Variants in GRID2 observed in about 807,000 individuals in gnomAD.
GRID2 encodes glutamate receptor ionotropic, delta-2.
A neutral mutation model predicts 114.8 loss-of-function variants in GRID2; 33 were observed. That is an observed-to-expected ratio of 0.29 (90% CI 0.22 to 0.38). GRID2 has a LOEUF of 0.38. GRID2 is among the 10% of genes least tolerant of loss of function. GRID2 has a pLI of 1.00. For missense variants in GRID2, 1,184 were observed against 1,257.7 expected, an observed-to-expected ratio of 0.94 and a Z score of 0.89; for synonymous variants, 505 against 449.9, an observed-to-expected ratio of 1.12 and a Z score of -1.55.
intron 1 of GRID2, among the ~76,000 whole-genome samples, chr4:92,332,091 A>G (rs181930460): frequency 6.6e-6 from 1 of 152,278 alleles, no homozygotes; most frequent in African/African-American, 2.4e-5. Context: ...ACACACGTTT[A>G]CCCATTTTCA....
At chr4:93,372,472 G>T (rs1414548898) in intron 8 of GRID2, among the ~76,000 whole-genome samples, 2 of 152,008 alleles carry the variant, frequency 1.3e-5, no homozygotes. Flanking sequence ...CCAAGATATT[G>T]TGTCCTGCTT....
At chr4:93,084,585 C>G (rs1730166645) in intron 2 of GRID2, among the ~76,000 whole-genome samples, 1 of 152,084 alleles carries the variant, frequency 6.6e-6, no homozygotes, top group Non-Finnish European at 1.5e-5. Flanking sequence ...TTGTATTATG[C>G]CTTCAGTAGG....
intron 14 of GRID2, among the ~76,000 whole-genome samples, chr4:93,738,035 A>G (rs1731069753): frequency 6.6e-6 from 1 of 152,158 alleles, no homozygotes; most frequent in South Asian, 2.1e-4. Flanking sequence ...GGATTGGAAT[A>G]TGTTAATTCC....
chr4:92,806,094 T>A (rs191804283), intron 2 of GRID2, among the ~76,000 whole-genome samples: 4 of 151,752 alleles, frequency 2.6e-5, no homozygotes, highest in African/African-American at 9.7e-5. Context: ...CCCTTTTATA[T>A]GTACTGTGAT....
intron 13 of GRID2, among the ~76,000 whole-genome samples, chr4:93,578,302 G>T (rs1736612924): frequency 6.6e-6 from 1 of 152,082 alleles, no homozygotes; most frequent in African/African-American, 2.4e-5. Context: ...GGTATTTTGA[G>T]AGATGGTTAT....
intron 2 of GRID2, among the ~76,000 whole-genome samples, chr4:92,895,612 T>A (rs1456898549): frequency 6.6e-6 from 1 of 151,864 alleles, no homozygotes; most frequent in Non-Finnish European, 1.5e-5. Flanking sequence ...TCTTCTGTGC[T>A]TAAAAAATAT....
intron 2 of GRID2, among the ~76,000 whole-genome samples, chr4:92,863,378 C>T (rs545507956): frequency 4.5e-4 from 69 of 152,202 alleles, no homozygotes; most frequent in African/African-American, 1.6e-3. Flanking sequence ...CACTTATTCA[C>T]ACCACCGACT....
chr4:92,718,836 CTCTT>C (rs1258569200), intron 2 of GRID2, among the ~76,000 whole-genome samples: 1 of 149,042 alleles, frequency 6.7e-6, no homozygotes, highest in Non-Finnish European at 1.5e-5. Flanking sequence ...ATCTTTTACT[CTCTT>C]TATTATTTAT....
intron 1 of GRID2, among the ~76,000 whole-genome samples, chr4:92,425,469 T>C (rs12649496): frequency 0.14 from 21,493 of 152,118 alleles, 1,843 homozygotes; most frequent in Middle Eastern, 0.21. Context: ...AATATTTTAC[T>C]TGCTTGAACT....
At chr4:93,593,701 G>C in intron 13 of GRID2, among the ~76,000 whole-genome samples, 1 of 152,014 alleles carries the variant, frequency 6.6e-6, no homozygotes, top group Admixed American at 6.6e-5. Context: ...CCAATCAGAC[G>C]TAGATTTGGT....
chr4:92,776,136 T>C (rs1192027556), intron 2 of GRID2, among the ~76,000 whole-genome samples: 1 of 152,184 alleles, frequency 6.6e-6, no homozygotes, highest in Non-Finnish European at 1.5e-5. Context: ...GAGTGTGTGT[T>C]AATCTTTCAT....
At chr4:93,096,413 G>A (rs574674470) in intron 3 of GRID2, among the ~76,000 whole-genome samples, 1 of 152,008 alleles carries the variant, frequency 6.6e-6, no homozygotes. Flanking sequence ...TATGAACTGT[G>A]CAATAAATTC....
At chr4:93,627,276 G>A (rs1323455060) in intron 14 of GRID2, among the ~76,000 whole-genome samples, 1 of 152,164 alleles carries the variant, frequency 6.6e-6, no homozygotes, top group African/African-American at 2.4e-5. Context: ...CAAGAGGACA[G>A]TTCCAGATAG....
At chr4:93,769,544 G>T in intron 15 of GRID2, 94 bp downstream of exon 15, 1 of 1,210,426 alleles carries the variant, frequency 8.3e-7, no homozygotes. Context: ...GGTTGGGGGT[G>T]GTCCTTGTTT....
At chr4:93,728,469 T>C (rs1287057332) in intron 14 of GRID2, among the ~76,000 whole-genome samples, 1 of 152,144 alleles carries the variant, frequency 6.6e-6, no homozygotes, top group Non-Finnish European at 1.5e-5. Flanking sequence ...TCTGTTGATT[T>C]GGGGTGGAGA....
intron 2 of GRID2, among the ~76,000 whole-genome samples, chr4:93,055,690 A>G (rs1213672069): frequency 6.6e-6 from 1 of 151,946 alleles, no homozygotes; most frequent in Non-Finnish European, 1.5e-5. Flanking sequence ...ATTCCAAATT[A>G]TTTTATTGAA....
At chr4:92,780,510 G>A (rs983603495) in intron 2 of GRID2, among the ~76,000 whole-genome samples, 1 of 152,086 alleles carries the variant, frequency 6.6e-6, no homozygotes, top group African/African-American at 2.4e-5. Flanking sequence ...GTACTATAAT[G>A]AGTATAATTT....
intron 1 of GRID2, among the ~76,000 whole-genome samples, chr4:92,353,202 G>C (rs1454123086): frequency 6.6e-6 from 1 of 150,566 alleles, no homozygotes; most frequent in Non-Finnish European, 1.5e-5. Flanking sequence ...TTTACTTTTA[G>C]TTTTGTTTTG....
At chr4:93,787,861 ACT>A (rs1734623563) in intron 1 of GRID2, among the ~76,000 whole-genome samples, 2 of 152,098 alleles carry the variant, frequency 1.3e-5, no homozygotes, top group African/African-American at 2.4e-5. Flanking sequence ...GGAAAAGAAG[ACT>A]CTGACATCAT....
Sources: gnomAD v4.1 joint callset for allele counts (sites outside exome capture counted in the v4.1 genomes callset) on GRCh38, gnomAD v4.1.1 for gene constraint, MANE v1.5 for transcripts, NCBI Gene and HGNC (gene_info 2026-07-23, HGNC 2026-07-21) for gene names.